Variants in CCDC66 observed in about 807,000 individuals in gnomAD.
The protein encoded by CCDC66 is coiled-coil domain-containing protein 66.
A neutral mutation model predicts 128.3 loss-of-function variants in CCDC66; 133 were observed. That is an observed-to-expected ratio of 1.04 (90% CI 0.90 to 1.20). CCDC66 has a LOEUF of 1.20. Among genes scored for constraint, CCDC66 ranks in the 50% most tolerant of loss-of-function variants. The pLI, the probability that CCDC66 is intolerant of heterozygous loss-of-function variation, is 0.00. For synonymous variants in CCDC66, 387 were observed against 357.0 expected (o/e 1.08, Z -0.95); for missense variants, 1,126 against 1,075.5 (o/e 1.05, Z -0.66).
intron 7 of CCDC66, chr3:56,572,367 C>A (rs2066752489): frequency 7.8e-7 from 1 of 1,289,436 alleles, no homozygotes. Flanking sequence ...AGTCTCGTAG[C>A]CAGGTTATGG....
At chr3:56,620,024 A>G in intron 17 of CCDC66, 123 bp downstream of exon 17, 1 of 1,043,378 alleles carries the variant, frequency 9.6e-7, no homozygotes, top group African/African-American at 1.6e-5. Context: ...AAAATATTTC[A>G]GTTCCTGTAT....
intron 7 of CCDC66, chr3:56,572,250 T>G (rs903222723): frequency 3.0e-6 from 2 of 676,418 alleles, no homozygotes; most frequent in Non-Finnish European, 4.6e-6. Context: ...GTGTAGTGCT[T>G]TTGTGATTTT....
At chr3:56,616,146 T>C (rs2075474402) in intron 13 of CCDC66, 93 bp downstream of exon 13, 1 of 1,210,190 alleles carries the variant, frequency 8.3e-7, no homozygotes. Flanking sequence ...GTTCAAAAAT[T>C]AACAAAACTT....
chr3:56,564,115 G>A lies in CCDC66; in HGVS notation c.534G>A (p.Lys178=), dbSNP rs1235680172. ...NRSLSLTENG[K]EAKSQYSLYL... ...CTCTTTCCCTGACTGAGAATGGAAAGGAGGCAAAAAGTAAGATTTTTCTAA... is the reference window on the plus strand; with the variant it reads ...CTCTTTCCCTGACTGAGAATGGAAAAGAGGCAAAAAGTAAGATTTTTCTAA... Residue 178 remains lysine, a synonymous_variant, in exon 4 of 18, where the codon AAG becomes AAA. Transcript: ENST00000394672. 6.3e-7 allele frequency: 1 copy of A among 1,585,770 alleles called. No individual in the cohort carries two copies. Among genetic ancestry groups the A allele is most frequent in the Non-Finnish European group, 8.6e-7 (1 of 1,168,162 alleles).
chr3:56,558,627 G>T, intron 1 of CCDC66: 1 of 539,324 alleles, frequency 1.9e-6, no homozygotes, highest in Non-Finnish European at 3.3e-6. Flanking sequence ...TGATAACAAT[G>T]CTTGTAGTAT....
intron 14 of CCDC66, chr3:56,617,966 T>A: frequency 1.7e-6 from 1 of 597,864 alleles, no homozygotes; most frequent in Non-Finnish European, 3.0e-6. Context: ...TTGTTTATAG[T>A]CCACATAGAC....
intron 10 of CCDC66, among the ~76,000 whole-genome samples, chr3:56,602,431 C>CT (rs750209118): frequency 1.4e-4 from 22 of 151,810 alleles, no homozygotes; most frequent in Non-Finnish European, 2.4e-4. Context: ...CTGAAATTCT[C>CT]TTTTTTTGTT....
chr3:56,619,708 T>TTA, intron 16 of CCDC66, 69 bp from the exon 17 acceptor site: 2 of 1,562,970 alleles, frequency 1.3e-6, no homozygotes, highest in Non-Finnish European at 1.7e-6. Flanking sequence ...CCTGACAATA[T>TTA]TATATAGCAC....
At chr3:56,614,480 G>C (rs1440054705) in intron 11 of CCDC66, among the ~76,000 whole-genome samples, 1 of 152,142 alleles carries the variant, frequency 6.6e-6, no homozygotes, top group Non-Finnish European at 1.5e-5. Context: ...GTGACTGTTA[G>C]AGATCTCTGT....
chr3:56,618,297 T>C, intron 15 of CCDC66, 85 bp downstream of exon 15: 1 of 1,170,626 alleles, frequency 8.5e-7, no homozygotes, highest in Non-Finnish European at 1.3e-6. Context: ...GACAGCATCA[T>C]ATGGTATATG....
rs1203633230 is a variant in CCDC66, at chr3:56,619,282, C to T, written c.2390C>T (p.Ser797Leu). The T allele has an allele frequency of 6.3e-7, 1 of 1,595,476 alleles. No homozygotes were observed. Among genetic ancestry groups the T allele is most frequent in the Non-Finnish European group, 8.5e-7 (1 of 1,172,632 alleles). The change falls in exon 16 of 18, where the codon TCA becomes TTA. Residue 797 changes from serine (S) to leucine (L), a missense_variant. Ser to Leu is a moderately radical substitution (Grantham distance 145, BLOSUM62 -2). Transcript: ENST00000394672. ...TTTTTTTTAAATAGGTCTCCATCAT[C>T]ACCAGTTCCAGTAGTGAAAAACAGA... ...HSFSKERSPS[S>L]PVPVVKNRTQ...
At chr3:56,569,410 C>T (rs1318651188) in intron 6 of CCDC66, 1 of 258,746 alleles carries the variant, frequency 3.9e-6, no homozygotes, top group African/African-American at 2.2e-5. Flanking sequence ...GGGGAGCAGG[C>T]ATTTTACATG....
intron 12 of CCDC66, 51 bp from the exon 13 acceptor site, chr3:56,615,871 T>A (rs764104522): frequency 4.7e-6 from 7 of 1,478,804 alleles, no homozygotes; most frequent in Admixed American, 4.1e-5. Flanking sequence ...ATACATAATT[T>A]TTATTAATAT....
Position 56,593,350 on chromosome 3 carries a change from C to CTA in CCDC66, c.1069-140_1069-139dup, listed in dbSNP as rs1174683114. 4.2e-6 allele frequency: 4 copies of CTA among 951,090 alleles called. No homozygotes were observed. In the African/African-American group the frequency reaches 5.0e-5, roughly 12 times the overall value. 58.9% of individuals were successfully genotyped at this position (951,090 alleles called of 1,614,324 possible). ...CTAGTGATCTATATGTATAAGGACT[C>CTA]TAAACAGTACAGTCTTGTTAATTTT... On this transcript the variant is annotated intron_variant, in intron 8 of 17. Coordinates refer to ENST00000394672, the MANE Select transcript of CCDC66 (RefSeq NM_001141947.3).
chr3:56,561,979 T>G (rs1363902292), intron 3 of CCDC66, among the ~76,000 whole-genome samples: 3 of 152,140 alleles, frequency 2.0e-5, no homozygotes, highest in Non-Finnish European at 4.4e-5. Context: ...TATCATCAAG[T>G]TTAACATATA....
chr3:56,578,215 T>C lies in CCDC66; in HGVS notation c.936+6913T>C, dbSNP rs983824076. 5.9e-5 allele frequency among the ~76,000 whole-genome samples: 9 copies of C among 151,836 alleles called. 1 individual carries two copies. Among genetic ancestry groups the C allele is most frequent in the Admixed American group, 1.3e-4 (2 of 15,084 alleles). ...AGTTTGCTCATGATTTGGCTCTCTGTTCTTGGTGTATAGGAATGCTTGTGA... is the reference window on the plus strand; with the variant it reads ...AGTTTGCTCATGATTTGGCTCTCTGCTCTTGGTGTATAGGAATGCTTGTGA... On this transcript the variant is annotated intron_variant, in intron 7 of 17. Coordinates refer to ENST00000394672, the MANE Select transcript of CCDC66 (RefSeq NM_001141947.3).
intron 7 of CCDC66, among the ~76,000 whole-genome samples, chr3:56,581,391 G>A (rs994472502): frequency 2.6e-5 from 4 of 151,736 alleles, no homozygotes; most frequent in African/African-American, 4.8e-5. Flanking sequence ...ATTACCGATC[G>A]TCTGAAGCCT....
chr3:56,592,896 G>A lies in CCDC66; in HGVS notation c.937-74G>A. The A allele has an allele frequency of 6.0e-6, 9 of 1,496,006 alleles. 1 individual carries two copies. In the South Asian group the frequency reaches 8.7e-5, roughly 14 times the overall value. The allele number at this position is 1,496,006 out of a possible 1,614,324, so 92.7% of individuals were successfully genotyped here. A position where few individuals can be genotyped will look rare whatever the true frequency, so the allele number is the denominator to read the frequency against. ...GTGGATTAAATCTGTATGTTACTTT[G>A]GCAAGATTTGCACATATTAAGTGAT... On this transcript the variant is annotated intron_variant, in intron 7 of 17. Coordinates refer to ENST00000394672, the MANE Select transcript of CCDC66 (RefSeq NM_001141947.3).
At chr3:56,592,168 A>G (rs995211081) in intron 7 of CCDC66, among the ~76,000 whole-genome samples, 8 of 152,202 alleles carry the variant, frequency 5.3e-5, no homozygotes, top group South Asian at 2.1e-4. Context: ...AGAAACCTAG[A>G]AGACAGAGGT....
Sources: gnomAD v4.1 joint callset for allele counts (sites outside exome capture counted in the v4.1 genomes callset) on GRCh38, gnomAD v4.1.1 for gene constraint, MANE v1.5 for transcripts, NCBI Gene and HGNC (gene_info 2026-07-23, HGNC 2026-07-21) for gene names.